OPCML: variants seen among roughly 807,000 people sequenced by gnomAD.
OPCML encodes opioid binding protein/cell adhesion molecule like.
Under a neutral mutation model 37.8 loss-of-function variants are expected in OPCML, and 13 were observed. The observed-to-expected ratio is 0.34, with a 90% CI of 0.22 to 0.55. OPCML has a LOEUF of 0.55. Ranked by LOEUF, OPCML falls within the 20% of genes least tolerant of loss-of-function variation. The pLI is 0.91. For missense variants in OPCML, 341 were observed against 435.6 expected, an observed-to-expected ratio of 0.78 and a Z score of 1.93; for synonymous variants, 176 against 168.8, an observed-to-expected ratio of 1.04 and a Z score of -0.33.
In OPCML at chr11:133,288,840, G is replaced by A. The variant is rs114559086; in HGVS notation, c.61+243424C>T. Among the ~76,000 whole-genome samples the A allele has an allele frequency of 1.7e-3, 257 of 152,200 alleles. 1 individual carries two copies. The highest frequency in any genetic ancestry group is 5.6e-3 in the African/African-American group (233 of 41,530). Reference sequence around the variant, plus strand: ...AGGAGGCCAACTAGACTGGGGTGTCGGCCAAAGGCTCATGGTAATTAAGAG... The same window carrying A: ...AGGAGGCCAACTAGACTGGGGTGTCAGCCAAAGGCTCATGGTAATTAAGAG... On this transcript the variant is annotated intron_variant, in intron 1 of 7. Coordinates refer to ENST00000524381, the MANE Select transcript of OPCML (RefSeq NM_001012393.5).
intron 2 of OPCML, among the ~76,000 whole-genome samples, chr11:132,805,921 A>G (rs761645529): frequency 5.9e-5 from 9 of 152,220 alleles, no homozygotes; most frequent in South Asian, 2.1e-4. Flanking sequence ...TAATAACAGT[A>G]TAAGATGGAA....
intron 1 of OPCML, among the ~76,000 whole-genome samples, chr11:133,496,780 T>A (rs1261474580): frequency 6.6e-6 from 1 of 152,212 alleles, no homozygotes; most frequent in East Asian, 1.9e-4. Flanking sequence ...AATTCTTTTA[T>A]CAGTTCTAGG....
chr11:132,830,223 C>G (rs1331986102), intron 2 of OPCML, among the ~76,000 whole-genome samples: 1 of 152,190 alleles, frequency 6.6e-6, no homozygotes, highest in Non-Finnish European at 1.5e-5. Context: ...TACTGCACAT[C>G]TGGTGTTTCT....
At position 133,507,963 on chromosome 11, in the gene OPCML, AT is replaced by A. The variant is rs1948071347; in HGVS notation, c.61+24300del. 4.0e-5 allele frequency among the ~76,000 whole-genome samples: 6 copies of A among 150,852 alleles called. No individual in the cohort carries two copies. In the South Asian group the frequency reaches 1.3e-3, roughly 32 times the overall value. On this transcript the variant is annotated intron_variant, in intron 1 of 7. Transcript: ENST00000524381. ...GTATGTCTCAAAAAAAAAAAAAAAA[AT>A]CTCAAATGACTCAGAGCCAATAATG... is the stretch of plus-strand genomic sequence containing the variant.
intron 2 of OPCML, among the ~76,000 whole-genome samples, chr11:132,756,797 A>T (rs921023695): frequency 6.6e-6 from 1 of 152,028 alleles, no homozygotes; most frequent in South Asian, 2.1e-4. Context: ...TTTTTTTATT[A>T]TACTTTAAGT....
intron 2 of OPCML, among the ~76,000 whole-genome samples, chr11:132,836,150 G>T (rs777158613): frequency 6.6e-6 from 1 of 152,156 alleles, no homozygotes; most frequent in Non-Finnish European, 1.5e-5. Flanking sequence ...GGGAACTTAG[G>T]CAGACATATC....
chr11:132,830,331 C>T (rs986299835), intron 2 of OPCML, among the ~76,000 whole-genome samples: 1 of 152,204 alleles, frequency 6.6e-6, no homozygotes, highest in Non-Finnish European at 1.5e-5. Context: ...TTCATCTCAA[C>T]ATACCCATAA....
intron 1 of OPCML, among the ~76,000 whole-genome samples, chr11:133,329,121 T>G (rs1036683574): frequency 4.1e-4 from 62 of 152,052 alleles, no homozygotes; most frequent in African/African-American, 1.4e-3. Context: ...GAATCCAACT[T>G]ACAAGGGATG....
intron 4 of OPCML, among the ~76,000 whole-genome samples, chr11:132,466,070 C>T (rs578186481): frequency 3.9e-5 from 6 of 152,278 alleles, no homozygotes; most frequent in African/African-American, 1.4e-4. Flanking sequence ...CTTAAGTAGG[C>T]CAACTCCCCT....
intron 2 of OPCML, among the ~76,000 whole-genome samples, chr11:132,793,438 C>A (rs981202349): frequency 6.6e-6 from 1 of 152,150 alleles, no homozygotes; most frequent in African/African-American, 2.4e-5. Context: ...AGGGCAGGAA[C>A]CTCTTAAGGC....
chr11:133,235,505 T>C (rs1163218894), intron 1 of OPCML, among the ~76,000 whole-genome samples: 2 of 152,124 alleles, frequency 1.3e-5, no homozygotes, highest in African/African-American at 2.4e-5. Flanking sequence ...ATCAAACATA[T>C]TCAACTCAAA....
At chr11:132,999,854 G>T (rs1946964364) in intron 1 of OPCML, among the ~76,000 whole-genome samples, 1 of 152,080 alleles carries the variant, frequency 6.6e-6, no homozygotes, top group Non-Finnish European at 1.5e-5. Flanking sequence ...GCAGGAAGTG[G>T]AAGTTTCTCC....
intron 1 of OPCML, among the ~76,000 whole-genome samples, chr11:133,305,616 T>C (rs1341228376): frequency 1.3e-5 from 2 of 152,230 alleles, no homozygotes; most frequent in African/African-American, 4.8e-5. Context: ...TTTTCTCTCA[T>C]ATTTCCTGAT....
At chr11:133,034,819 G>C (rs746000849) in intron 1 of OPCML, among the ~76,000 whole-genome samples, 4 of 150,258 alleles carry the variant, frequency 2.7e-5, no homozygotes, top group Non-Finnish European at 4.4e-5. Context: ...GTAGCCTCAT[G>C]TGAACTTGCA....
intron 1 of OPCML, among the ~76,000 whole-genome samples, chr11:133,469,580 C>G (rs1467694500): frequency 6.6e-6 from 1 of 152,160 alleles, no homozygotes; most frequent in Non-Finnish European, 1.5e-5. Flanking sequence ...TTTGTTTTTC[C>G]TAAACAATTG....
intron 3 of OPCML, among the ~76,000 whole-genome samples, chr11:132,575,238 G>A (rs936310218): frequency 6.6e-6 from 1 of 151,970 alleles, no homozygotes; most frequent in African/African-American, 2.4e-5. Flanking sequence ...AATGCGTTTT[G>A]ATTAAGCTAA....
chr11:133,071,775 CA>C (rs1474953496), intron 1 of OPCML, among the ~76,000 whole-genome samples: 1 of 152,132 alleles, frequency 6.6e-6, no homozygotes, highest in African/African-American at 2.4e-5. Context: ...AACAAACAAA[CA>C]AACAAAACTG....
chr11:133,118,015 T>C (rs1949362930), intron 1 of OPCML: 1 of 852,936 alleles, frequency 1.2e-6, no homozygotes, highest in South Asian at 5.4e-5. Flanking sequence ...GTTTTCAACC[T>C]GAGTCTACAG....
chr11:132,637,004 T>C (rs185188658), intron 3 of OPCML, among the ~76,000 whole-genome samples: 19 of 152,386 alleles, frequency 1.2e-4, no homozygotes, highest in African/African-American at 4.1e-4. Context: ...ATATCATTTA[T>C]GTAATCCTGA....
Sources: allele counts gnomAD v4.1 joint callset (sites outside exome capture counted in the v4.1 genomes callset), GRCh38; gene constraint gnomAD v4.1.1; transcripts MANE v1.5; gene names NCBI Gene and HGNC (gene_info 2026-07-23, HGNC 2026-07-21).